POLR2F: variants seen among roughly 807,000 people sequenced by gnomAD.
The protein encoded by POLR2F is DNA-directed RNA polymerases I, II, and III subunit RPABC2.
In POLR2F, 12 loss-of-function variants were observed where a neutral mutation model predicts 22.7. The ratio of observed to expected loss-of-function variants is 0.53; its 90% CI spans 0.34 to 0.86. POLR2F has a LOEUF of 0.86. POLR2F is among the 40% of genes least tolerant of loss of function. The pLI is 0.02. For synonymous variants in POLR2F, 57 were observed against 66.0 expected, an observed-to-expected ratio of 0.86 and a Z score of 0.66; for missense variants, 126 against 171.5, an observed-to-expected ratio of 0.73 and a Z score of 1.48.
rs3026674 is a variant in POLR2F, at chr22:38,035,495, G to A, written c.453-5573G>A. 4.1e-3 allele frequency among the ~76,000 whole-genome samples: 630 copies of A among 152,274 alleles called. 6 individuals are homozygous for A. The highest frequency in any genetic ancestry group is 0.015 in the African/African-American group (604 of 41,554). ...AGGGCAGGGGGCCTGGCAGGAGCAC[G>A]TTTCTTTTCTGTTCATTTGCAATCC... is the stretch of plus-strand genomic sequence containing the variant. On this transcript the variant is annotated intron_variant, in intron 5 of 5. Transcript: ENST00000407936.
chr22:37,961,846 C>G (rs1198510874), intron 3 of POLR2F, among the ~76,000 whole-genome samples: 1 of 138,082 alleles, frequency 7.2e-6, no homozygotes. Context: ...ACAGGAGCCC[C>G]TACCCCAAAC....
downstream of POLR2F, among the ~76,000 whole-genome samples, chr22:38,030,987 G>C (rs1406922839): frequency 1.3e-5 from 2 of 152,108 alleles, no homozygotes; most frequent in East Asian, 3.9e-4. Flanking sequence ...TGGAAGAGCT[G>C]TGAGAGGCCC....
At chr22:37,966,153 G>A (rs529043562) in intron 3 of POLR2F, among the ~76,000 whole-genome samples, 187 of 152,322 alleles carry the variant, frequency 1.2e-3, no homozygotes, top group African/African-American at 4.4e-3. Flanking sequence ...GTCAGCACAC[G>A]ATTTCCAGGG....
intron 1 of POLR2F, among the ~76,000 whole-genome samples, chr22:38,023,371 A>G (rs937568188): frequency 6.6e-6 from 1 of 152,118 alleles, no homozygotes; most frequent in Non-Finnish European, 1.5e-5. Flanking sequence ...AAGGCCTGAA[A>G]ACTGTTTCTT....
chr22:38,013,166 C>T (rs2084887052), intron 1 of POLR2F, among the ~76,000 whole-genome samples: 3 of 150,214 alleles, frequency 2.0e-5, no homozygotes, highest in Non-Finnish European at 4.4e-5. Flanking sequence ...TTCTTTTTTT[C>T]ATATAGATTC....
chr22:37,954,293 T>C (rs1931263264), intron 1 of POLR2F, among the ~76,000 whole-genome samples: 1 of 151,422 alleles, frequency 6.6e-6, no homozygotes, highest in African/African-American at 2.4e-5. Context: ...TCTGGGACGG[T>C]CCTTTGCAGT....
At chr22:37,986,041 C>G, upstream of POLR2F, 2 of 1,403,428 alleles carry the variant, frequency 1.4e-6, no homozygotes, top group Non-Finnish European at 1.8e-6. The surrounding 1 kb of genome is among the most constrained non-coding windows in gnomAD (Gnocchi z 4.7). Context: ...CTTCTCTTCC[C>G]TGTGCCCAGA....
chr22:38,039,602 A>G (rs2085152027), intron 5 of POLR2F, among the ~76,000 whole-genome samples: 1 of 152,180 alleles, frequency 6.6e-6, no homozygotes, highest in Non-Finnish European at 1.5e-5. Flanking sequence ...GAGCCCTGGC[A>G]GGTTGTACGC....
Position 37,986,796 on chromosome 22 carries a change from C to T in POLR2F, c.120+484C>T, listed in dbSNP as rs769297257. 2 of 461,500 alleles carry T rather than the reference C, an allele frequency of 4.3e-6. No individual in the cohort carries two copies. The highest frequency in any genetic ancestry group is 1.4e-4 in the East Asian group (2 of 14,564). 28.6% of individuals were successfully genotyped at this position (461,500 alleles called of 1,614,324 possible). On this transcript the variant is annotated intron_variant, in intron 1 of 2. Transcript: ENST00000333418. The surrounding 1 kb of genome is among the most constrained non-coding windows in gnomAD (Gnocchi z 4.7). ...ACATCCCTGCCCACCATGCTGGCAA[C>T]TGGGATCCCCTCCATCCCATCCCAG... is the stretch of plus-strand genomic sequence containing the variant.
intron 1 of POLR2F, among the ~76,000 whole-genome samples, chr22:38,002,243 A>G (rs2084778228): frequency 6.6e-6 from 1 of 152,090 alleles, no homozygotes; most frequent in Non-Finnish European, 1.5e-5. Context: ...CTTAAGAACT[A>G]AAGAAGAAAA....
Position 37,964,571 on chromosome 22 carries a change from T to TG in POLR2F, c.222-2528_222-2527insG, listed in dbSNP as rs1931777867. Among the ~76,000 whole-genome samples, 4 of 96,596 alleles carry TG rather than the reference T, an allele frequency of 4.1e-5. No homozygotes were observed. The South Asian group carries it at 1.4e-3, about 34-fold the overall frequency. The allele number at this position is 96,596 out of a possible 152,430, so 63.4% of individuals were successfully genotyped here. ...CCTGTTTTTCTTTTCTTTCTTTCTT[T>TG]CTTTTTTTTTTTTTTTTGAGATGGA... On this transcript the variant is annotated intron_variant, in intron 3 of 4. Transcript: ENST00000442738.
rs1931968372 is a variant in POLR2F at position 37,969,088 on chromosome 22, G to A, written c.*1373G>A. 2 of 985,344 alleles carry A rather than the reference G, an allele frequency of 2.0e-6. No homozygotes were observed. Among genetic ancestry groups the A allele is most frequent in the Non-Finnish European group, 1.2e-6 (1 of 829,992 alleles). 61.0% of individuals were successfully genotyped at this position (985,344 alleles called of 1,614,324 possible). On this transcript the variant is annotated 3_prime_UTR_variant, in exon 5 of 5. Coordinates refer to ENST00000442738, the MANE Select transcript of POLR2F (RefSeq NM_021974.5). ...CTAAATGGTCTCTTTGTTCCCTGCT[G>A]GGCTGCTCAGTATCAGATGTGATTA... is the stretch of plus-strand genomic sequence containing the variant.
chr22:37,953,874 C>T (rs760526205), intron 1 of POLR2F, 67 bp downstream of exon 1: 3 of 1,554,726 alleles, frequency 1.9e-6, no homozygotes, highest in Non-Finnish European at 2.6e-6. Context: ...AGGCTTGGGT[C>T]GGCTGAGGAG....
chr22:38,012,735 G>A (rs1009174372), intron 1 of POLR2F, among the ~76,000 whole-genome samples: 1 of 152,092 alleles, frequency 6.6e-6, no homozygotes, highest in Non-Finnish European at 1.5e-5. Flanking sequence ...TTTTTGAAGC[G>A]TACAAGTCAG....
In POLR2F at chr22:37,959,350, G is replaced by C. The variant is rs747528688; in HGVS notation, c.95G>C (p.Gly32Ala). 1 of 1,613,752 alleles carries C rather than the reference G, an allele frequency of 6.2e-7. No individual in the cohort carries two copies. The highest frequency in any genetic ancestry group is 1.3e-5 in the African/African-American group (1 of 74,884). The change falls in exon 3 of 5, where the codon GGC becomes GCC. Residue 32 changes from glycine (G) to alanine (A), a missense_variant. Transcript: ENST00000442738. ...LDDLENAEEE[G>A]QENVEILPSG... is the part of the protein sequence containing the mutation. The stretch of plus-strand genomic sequence containing the variant: ...CTTTTTTGTCTTGGTGTCCAGGAAG[G>C]CCAGGAGAATGTCGAGATCCTCCCC...
At chr22:37,954,069 C>A (rs1392923377) in intron 1 of POLR2F, among the ~76,000 whole-genome samples, 4 of 152,168 alleles carry the variant, frequency 2.6e-5, no homozygotes, top group African/African-American at 9.7e-5. Context: ...GCGAGCCGGG[C>A]TCTGTATCAT....
chr22:37,990,838 T>C (rs1450418306), intron 1 of POLR2F, among the ~76,000 whole-genome samples: 1 of 152,218 alleles, frequency 6.6e-6, no homozygotes. Flanking sequence ...TGATAACCCA[T>C]GAATTGTATT....
At chr22:37,976,616 A>G (rs942213985) in intron 4 of POLR2F, among the ~76,000 whole-genome samples, 2 of 152,226 alleles carry the variant, frequency 1.3e-5, no homozygotes, top group South Asian at 2.1e-4. Flanking sequence ...GGTGCCAAGC[A>G]GATGCCCGGG....
chr22:38,005,682 T>C (rs1042658393), intron 1 of POLR2F, among the ~76,000 whole-genome samples: 4 of 152,204 alleles, frequency 2.6e-5, no homozygotes, highest in African/African-American at 9.7e-5. Context: ...GGAGGGGCGA[T>C]GTAATCACCT....
Sources: allele counts gnomAD v4.1 joint callset (sites outside exome capture counted in the v4.1 genomes callset), GRCh38; gene constraint gnomAD v4.1.1; non-coding constraint Gnocchi (gnomAD v3.1); transcripts MANE v1.5; gene names NCBI Gene and HGNC (gene_info 2026-07-23, HGNC 2026-07-21).